Variants in ZSWIM5 observed in about 807,000 individuals in gnomAD.
ZSWIM5 encodes the protein zinc finger SWIM domain-containing protein 5.
Under a neutral mutation model 119.6 loss-of-function variants are expected in ZSWIM5, and 55 were observed. The observed-to-expected ratio is 0.46, with a 90% CI of 0.37 to 0.58. The LOEUF (loss-of-function observed/expected upper bound fraction) is 0.58, where lower values mean the gene tolerates loss of function less well. Ranked by LOEUF, ZSWIM5 falls within the 20% of genes least tolerant of loss-of-function variation. The probability of loss-of-function intolerance (pLI) is 0.00; values close to 1 mark genes in which losing one functional copy is unlikely to be tolerated. For synonymous variants in ZSWIM5, 537 were observed against 606.9 expected, an observed-to-expected ratio of 0.88 and a Z score of 1.69; for missense variants, 1,193 against 1,512.8, an observed-to-expected ratio of 0.79 and a Z score of 3.51.
chr1:45,044,656 G>A (rs1480379927), intron 5 of ZSWIM5, among the ~76,000 whole-genome samples: 3 of 117,114 alleles, frequency 2.6e-5, no homozygotes, highest in South Asian at 3.0e-4. Context: ...CCCGGAAGGC[G>A]GAGCTTGCAG....
At chr1:45,146,324 T>C (rs1427644586) in intron 1 of ZSWIM5, among the ~76,000 whole-genome samples, 1 of 149,880 alleles carries the variant, frequency 6.7e-6, no homozygotes, top group Admixed American at 6.7e-5. Flanking sequence ...TACAGATACC[T>C]ACCATGTTGT....
At position 45,058,657 on chromosome 1, in the gene ZSWIM5, G is replaced by A. The variant is rs1645136362; in HGVS notation, c.1204C>T (p.Gln402Ter). 1 of 1,614,246 alleles carries A rather than the reference G, an allele frequency of 6.2e-7. No homozygotes were observed. Among genetic ancestry groups the A allele is most frequent in the Non-Finnish European group, 8.5e-7 (1 of 1,180,050 alleles). ...CACTTGTCTGTCATGTTTGTTCCTT[G>A]CTGCCTCCAGAGTGTGAGTCGTGGG... ...ADPRLTLWRQ[Q>*]GTNMTDKCRQ... The change falls in exon 4 of 14, where the codon CAA becomes TAA. Residue 402 changes from glutamine to a stop codon, truncating the protein, a stop_gained. Coordinates refer to ENST00000359600, the MANE Select transcript of ZSWIM5 (RefSeq NM_020883.2). LOFTEE classifies it high-confidence loss of function.
chr1:45,084,794 G>A (rs1255919008), intron 2 of ZSWIM5, among the ~76,000 whole-genome samples: 4 of 152,338 alleles, frequency 2.6e-5, no homozygotes, highest in Middle Eastern at 3.4e-3. Flanking sequence ...TCCACCCCCT[G>A]AGAGCTCAGC....
At chr1:45,024,707 T>G (rs975958642) in intron 11 of ZSWIM5, among the ~76,000 whole-genome samples, 3 of 152,036 alleles carry the variant, frequency 2.0e-5, no homozygotes, top group African/African-American at 7.3e-5. Context: ...CAGGCTGGAG[T>G]GCAATGGTGC....
chr1:45,084,044 G>A (rs953119822), intron 2 of ZSWIM5, among the ~76,000 whole-genome samples: 1 of 152,112 alleles, frequency 6.6e-6, no homozygotes, highest in Non-Finnish European at 1.5e-5. Flanking sequence ...CGAGTAGTAG[G>A]GACTACAGGG....
intron 1 of ZSWIM5, among the ~76,000 whole-genome samples, chr1:45,163,344 G>A (rs2149042308): frequency 6.6e-6 from 1 of 152,270 alleles, no homozygotes; most frequent in East Asian, 1.9e-4. Context: ...AAGACCAAAG[G>A]TAGATAAAAC....
intron 1 of ZSWIM5, among the ~76,000 whole-genome samples, chr1:45,196,180 A>G (rs1646121614): frequency 6.7e-6 from 1 of 150,108 alleles, no homozygotes; most frequent in Non-Finnish European, 1.5e-5. Flanking sequence ...TGGCCAGGTG[A>G]TCATTTTTCT....
chr1:45,121,126 T>C, intron 1 of ZSWIM5, among the ~76,000 whole-genome samples: 1 of 152,038 alleles, frequency 6.6e-6, no homozygotes, highest in East Asian at 1.9e-4. Flanking sequence ...ATTTTTTGTA[T>C]TTTTTTAGTA....
chr1:45,060,844 T>C (rs1645148408), intron 2 of ZSWIM5, among the ~76,000 whole-genome samples: 1 of 152,102 alleles, frequency 6.6e-6, no homozygotes, highest in Non-Finnish European at 1.5e-5. Flanking sequence ...CCAACTATTT[T>C]AAAACAATTT....
chr1:45,123,680 G>C (rs1645605848), intron 1 of ZSWIM5, among the ~76,000 whole-genome samples: 1 of 152,116 alleles, frequency 6.6e-6, no homozygotes, highest in African/African-American at 2.4e-5. Flanking sequence ...AGAGGGCAGA[G>C]CTGAAAAAAT....
intron 1 of ZSWIM5, among the ~76,000 whole-genome samples, chr1:45,136,162 C>T (rs1645688120): frequency 1.3e-5 from 2 of 152,090 alleles, no homozygotes; most frequent in Admixed American, 1.3e-4. Flanking sequence ...TGCCCAGCCT[C>T]AATGTGTGAA....
chr1:45,075,393 G>C (rs1170367053), intron 2 of ZSWIM5, among the ~76,000 whole-genome samples: 1 of 152,062 alleles, frequency 6.6e-6, no homozygotes, highest in Non-Finnish European at 1.5e-5. Context: ...CTCCAGTGTT[G>C]GGTGTATATG....
intron 1 of ZSWIM5, among the ~76,000 whole-genome samples, chr1:45,101,977 C>G (rs1645442116): frequency 6.6e-6 from 1 of 151,284 alleles, no homozygotes; most frequent in African/African-American, 2.4e-5. Flanking sequence ...CAACATGGCA[C>G]ATGTATACCT....
chr1:45,074,426 T>C (rs946683214), intron 2 of ZSWIM5, among the ~76,000 whole-genome samples: 2 of 151,900 alleles, frequency 1.3e-5, no homozygotes, highest in African/African-American at 2.4e-5. Context: ...GTTCAAGTTT[T>C]GGGTTTCTTC....
In ZSWIM5 at chr1:45,017,734, A is replaced by G. The variant is rs1416154052; in HGVS notation, c.*720T>C. On this transcript the variant is annotated 3_prime_UTR_variant, in exon 14 of 14. Coordinates refer to ENST00000359600, the MANE Select transcript of ZSWIM5 (RefSeq NM_020883.2). ...AGCAGGCTCCTGAAGAGGCTGTGTG[A>G]GGCAGGAGCTTCAATGTCCTCACAG... is the stretch of plus-strand genomic sequence containing the variant. 1 of 152,262 alleles carries G rather than the reference A, an allele frequency of 6.6e-6. No homozygotes were observed. Among genetic ancestry groups the G allele is most frequent in the Non-Finnish European group, 1.5e-5 (1 of 68,078 alleles). 9.4% of individuals were successfully genotyped at this position (152,262 alleles called of 1,614,324 possible). A position where few individuals can be genotyped will look rare whatever the true frequency, so the allele number is the denominator to read the frequency against.
At chr1:45,042,920 A>G (rs1645024769) in intron 6 of ZSWIM5, among the ~76,000 whole-genome samples, 1 of 152,206 alleles carries the variant, frequency 6.6e-6, no homozygotes, top group Non-Finnish European at 1.5e-5. Context: ...AACTCAGAGA[A>G]GCTGTGAACT....
intron 1 of ZSWIM5, among the ~76,000 whole-genome samples, chr1:45,147,487 A>ACGTTTTCTG (rs1645768882): frequency 6.6e-6 from 1 of 151,292 alleles, no homozygotes; most frequent in Non-Finnish European, 1.5e-5. Context: ...CATATAGAAA[A>ACGTTTTCTG]CGTTTTCTGC....
chr1:45,058,907 C>A, intron 3 of ZSWIM5, 148 bp from the exon 4 acceptor site: 1 of 838,904 alleles, frequency 1.2e-6, no homozygotes, highest in South Asian at 1.7e-5. Flanking sequence ...GTTCTGTAAG[C>A]AAGATCTCTG....
intron 5 of ZSWIM5, among the ~76,000 whole-genome samples, chr1:45,044,579 C>T (rs1645036496): frequency 6.8e-6 from 1 of 146,534 alleles, no homozygotes; most frequent in South Asian, 2.2e-4. Flanking sequence ...AAAAAATTAG[C>T]CGGGCATGGT....
Sources: allele counts gnomAD v4.1 joint callset (sites outside exome capture counted in the v4.1 genomes callset), GRCh38; gene constraint gnomAD v4.1.1; transcripts MANE v1.5; gene names NCBI Gene and HGNC (gene_info 2026-07-23, HGNC 2026-07-21).